The following KLHL29 variants were observed in gnomAD, a reference collection of about 807,000 sequenced individuals.
The protein encoded by KLHL29 is kelch-like protein 29.
Under a neutral mutation model 80.4 loss-of-function variants are expected in KLHL29, and 21 were observed. That is an observed-to-expected ratio of 0.26 (90% confidence interval 0.19 to 0.38). The LOEUF (loss-of-function observed/expected upper bound fraction) is 0.38. KLHL29 is among the 10% of genes least tolerant of loss of function. The probability of loss-of-function intolerance (pLI) is 1.00; values close to 1 mark genes in which losing one functional copy is unlikely to be tolerated. For missense variants in KLHL29, 867 were observed against 1,223.9 expected, an observed-to-expected ratio of 0.71 and a Z score of 4.35; for synonymous variants, 511 against 526.8, an observed-to-expected ratio of 0.97 and a Z score of 0.41.
chr2:23,670,453 G>A lies in KLHL29; in HGVS notation c.941-13946G>A, dbSNP rs548871569. 7.9e-5 allele frequency among the ~76,000 whole-genome samples: 12 copies of A among 152,168 alleles called. No individual in the cohort carries two copies. In the East Asian group the frequency reaches 1.9e-3, roughly 25 times the overall value. ...ACCGTGCCTGCTACACAGGGGCACC[G>A]AAGCAGTGTTCCACCCTTGGCAGGA... On this transcript the variant is annotated intron_variant, in intron 5 of 13. Coordinates refer to ENST00000486442, the MANE Select transcript of KLHL29 (RefSeq NM_052920.2).
rs946181275 is a variant in KLHL29, at chr2:23,682,257, G to A, written c.941-2142G>A. On this transcript the variant is annotated intron_variant, in intron 5 of 13. Coordinates refer to ENST00000486442, the MANE Select transcript of KLHL29 (RefSeq NM_052920.2). This position sits in a 1 kb window ranked among gnomAD's most constrained non-coding sequence, Gnocchi z 4.1. ...TCAGCAGCACTGCACACTCCCACCCGCTGAGCGCTCCCTGTGTGCCCGCCA... is the reference window on the plus strand; with the variant it reads ...TCAGCAGCACTGCACACTCCCACCCACTGAGCGCTCCCTGTGTGCCCGCCA... Among the ~76,000 whole-genome samples, 6 of 151,926 alleles carry A rather than the reference G, an allele frequency of 3.9e-5. No homozygotes were observed. Among genetic ancestry groups the A allele is most frequent in the East Asian group, 3.9e-4 (2 of 5,150 alleles).
rs570520315 is a variant in KLHL29 at position 23,567,460 on chromosome 2, C to G, written c.285+4979C>G. ...AAGGGGCTATGAAATCTGCAGGCTT[C>G]ATCGTCAACACTCAAAACACCCGGG... On this transcript the variant is annotated intron_variant, in intron 3 of 13. Coordinates refer to ENST00000486442, the MANE Select transcript of KLHL29 (RefSeq NM_052920.2). 8.0e-4 allele frequency among the ~76,000 whole-genome samples: 122 copies of G among 152,364 alleles called. 1 individual carries two copies. Among genetic ancestry groups the G allele is most frequent in the African/African-American group, 2.9e-3 (121 of 41,596 alleles).
chr2:23,462,685 C>G (rs1013780939), intron 1 of KLHL29, among the ~76,000 whole-genome samples: 1 of 152,178 alleles, frequency 6.6e-6, no homozygotes, highest in Non-Finnish European at 1.5e-5. Flanking sequence ...ATCTTATGCC[C>G]AAACATAAGG....
intron 1 of KLHL29, among the ~76,000 whole-genome samples, chr2:23,465,291 G>C (rs1664317333): frequency 1.3e-5 from 2 of 152,206 alleles, no homozygotes; most frequent in Non-Finnish European, 2.9e-5. Flanking sequence ...AGAGCAAACA[G>C]GAGGCTGTCA....
chr2:23,486,972 G>A (rs1469631762), intron 2 of KLHL29, among the ~76,000 whole-genome samples: 1 of 152,170 alleles, frequency 6.6e-6, no homozygotes, highest in Non-Finnish European at 1.5e-5. Context: ...GTGGCCTTAG[G>A]GCTGTAGCTA....
chr2:23,478,915 G>T (rs985901720), intron 2 of KLHL29, among the ~76,000 whole-genome samples: 1 of 151,532 alleles, frequency 6.6e-6, no homozygotes, highest in Non-Finnish European at 1.5e-5. Flanking sequence ...CACACCCCCC[G>T]CCTTTACTTC....
chr2:23,705,374 C>T (rs1314767899), intron 13 of KLHL29, among the ~76,000 whole-genome samples: 1 of 152,066 alleles, frequency 6.6e-6, no homozygotes, highest in Non-Finnish European at 1.5e-5. Context: ...GCCTGTAATC[C>T]CAGCTAACTC....
At chr2:23,615,184 G>A (rs1333043523) in intron 3 of KLHL29, among the ~76,000 whole-genome samples, 3 of 152,214 alleles carry the variant, frequency 2.0e-5, no homozygotes, top group African/African-American at 7.2e-5. Context: ...CTGGGCTTCG[G>A]CTTATCCTCA....
chr2:23,532,503 G>A, intron 2 of KLHL29: 2 of 451,074 alleles, frequency 4.4e-6, no homozygotes, highest in South Asian at 1.6e-5. Flanking sequence ...GTGGAGCTTT[G>A]TGGGATGTGC....
chr2:23,534,022 T>C (rs1415770462), intron 2 of KLHL29, among the ~76,000 whole-genome samples: 2 of 152,086 alleles, frequency 1.3e-5, no homozygotes, highest in Non-Finnish European at 2.9e-5. Flanking sequence ...GATATTTTAA[T>C]TGATATTTGA....
chr2:23,636,210 C>T (rs937399938), intron 3 of KLHL29, among the ~76,000 whole-genome samples: 28 of 152,180 alleles, frequency 1.8e-4, no homozygotes, highest in African/African-American at 6.5e-4. Context: ...CGTCACCCAC[C>T]CGGGGGCCCA....
At chr2:23,505,763 G>C (rs1665580070) in intron 2 of KLHL29, among the ~76,000 whole-genome samples, 1 of 152,246 alleles carries the variant, frequency 6.6e-6, no homozygotes, top group Non-Finnish European at 1.5e-5. Context: ...CCCCATACCA[G>C]TGTCACGTGG....
chr2:23,441,331 G>C (rs1028525610), intron 1 of KLHL29, among the ~76,000 whole-genome samples: 1 of 60,640 alleles, frequency 1.6e-5, no homozygotes, highest in Admixed American at 1.6e-4. Flanking sequence ...GACTGTGGCG[G>C]GGTGGGGGGA....
At chr2:23,563,615 C>G (rs562524638) in intron 3 of KLHL29, among the ~76,000 whole-genome samples, 1 of 152,228 alleles carries the variant, frequency 6.6e-6, no homozygotes, top group Admixed American at 6.5e-5. Context: ...TGTGAGGTGG[C>G]TGTGGTGCTG....
intron 5 of KLHL29, among the ~76,000 whole-genome samples, chr2:23,683,605 G>A (rs1246980120): frequency 6.6e-6 from 1 of 152,194 alleles, no homozygotes; most frequent in Admixed American, 6.5e-5. Flanking sequence ...CCAGCCCCAG[G>A]TCCAAGACAC....
chr2:23,411,786 C>T (rs1391654362), intron 1 of KLHL29, among the ~76,000 whole-genome samples: 1 of 152,106 alleles, frequency 6.6e-6, no homozygotes. Context: ...AGGGTCTCCT[C>T]GGGCTCTTTT....
intron 1 of KLHL29, among the ~76,000 whole-genome samples, chr2:23,428,587 C>A (rs1663068434): frequency 6.6e-6 from 1 of 152,168 alleles, no homozygotes; most frequent in Admixed American, 6.5e-5. Context: ...AGAAAGGTAC[C>A]TTGTTTACCA....
chr2:23,610,518 C>T (rs1476251660), intron 3 of KLHL29, among the ~76,000 whole-genome samples: 4 of 152,216 alleles, frequency 2.6e-5, no homozygotes, highest in Admixed American at 2.6e-4. Flanking sequence ...TCCTCAGTTC[C>T]GCACTTCCCC....
At chr2:23,642,228 G>GAAC in intron 4 of KLHL29, 110 bp from the exon 5 acceptor site, 1 of 1,014,742 alleles carries the variant, frequency 9.9e-7, no homozygotes, top group Non-Finnish European at 1.3e-6. Context: ...CTGGACGCAG[G>GAAC]TGTCTCGTTC....
Sources: allele counts gnomAD v4.1 joint callset (sites outside exome capture counted in the v4.1 genomes callset), GRCh38; gene constraint gnomAD v4.1.1; non-coding constraint Gnocchi (gnomAD v3.1); transcripts MANE v1.5; gene names NCBI Gene and HGNC (gene_info 2026-07-23, HGNC 2026-07-21).